Variants in RBFOX1 observed in about 807,000 individuals in gnomAD.
RBFOX1 encodes RNA binding fox-1 homolog 1.
A neutral mutation model predicts 57.7 loss-of-function variants in RBFOX1; 8 were observed. The observed-to-expected ratio is 0.14, with a 90% CI of 0.08 to 0.25. The LOEUF is 0.25. Ranked by LOEUF, RBFOX1 falls within the 10% of genes least tolerant of loss-of-function variation. The probability of loss-of-function intolerance (pLI) is 1.00; values close to 1 mark genes in which losing one functional copy is unlikely to be tolerated. For missense variants in RBFOX1, 611 were observed against 548.5 expected, an observed-to-expected ratio of 1.11 and a Z score of -1.14; for synonymous variants, 326 against 222.4, an observed-to-expected ratio of 1.47 and a Z score of -4.15.
chr16:5,535,922 A>G (rs2044675506), intron 2 of RBFOX1, among the ~76,000 whole-genome samples: 1 of 152,156 alleles, frequency 6.6e-6, no homozygotes, highest in African/African-American at 2.4e-5. Flanking sequence ...TAATGCTTCA[A>G]AGAGCCTTTT....
At chr16:5,858,091 C>T (rs2151881146) in intron 3 of RBFOX1, among the ~76,000 whole-genome samples, 1 of 152,160 alleles carries the variant, frequency 6.6e-6, no homozygotes, top group Admixed American at 6.5e-5. Flanking sequence ...TCTGTATTTC[C>T]ACATTGCCAA....
intron 2 of RBFOX1, among the ~76,000 whole-genome samples, chr16:6,357,142 C>T (rs1289929657): frequency 3.9e-5 from 6 of 152,030 alleles, no homozygotes; most frequent in African/African-American, 1.4e-4. Flanking sequence ...TTTTAGTTTG[C>T]TTCCAATGGC....
intron 3 of RBFOX1, among the ~76,000 whole-genome samples, chr16:6,800,310 G>A (rs1414505189): frequency 6.6e-6 from 1 of 152,174 alleles, no homozygotes; most frequent in Non-Finnish European, 1.5e-5. Context: ...GGGCCAACCA[G>A]ACGGGCTGGT....
chr16:7,057,395 G>T (rs1396235472), intron 4 of RBFOX1, among the ~76,000 whole-genome samples: 1 of 152,158 alleles, frequency 6.6e-6, no homozygotes, highest in Non-Finnish European at 1.5e-5. Context: ...CTCATCTCCT[G>T]TCTTTGTTTC....
At chr16:5,982,902 G>A (rs1464638711) in intron 4 of RBFOX1, among the ~76,000 whole-genome samples, 1 of 152,220 alleles carries the variant, frequency 6.6e-6, no homozygotes, top group African/African-American at 2.4e-5. Context: ...ATGCTTTAAT[G>A]AATCATGAGT....
chr16:7,467,529 G>A (rs2060750681), intron 4 of RBFOX1, among the ~76,000 whole-genome samples: 2 of 152,138 alleles, frequency 1.3e-5, no homozygotes, highest in South Asian at 4.1e-4. Flanking sequence ...GTGAGAACAT[G>A]GATTTTGGAA....
intron 3 of RBFOX1, among the ~76,000 whole-genome samples, chr16:6,711,104 A>G (rs1359738163): frequency 6.6e-6 from 1 of 152,160 alleles, no homozygotes; most frequent in African/African-American, 2.4e-5. Flanking sequence ...TGTTTCTCAA[A>G]TATCATGCGT....
intron 2 of RBFOX1, among the ~76,000 whole-genome samples, chr16:5,532,536 T>C (rs1242076102): frequency 6.6e-6 from 1 of 152,224 alleles, no homozygotes; most frequent in African/African-American, 2.4e-5. Flanking sequence ...TAGTGTCATA[T>C]CATTTAGGTT....
intron 3 of RBFOX1, among the ~76,000 whole-genome samples, chr16:5,859,876 C>A (rs773986710): frequency 6.6e-6 from 1 of 152,198 alleles, no homozygotes; most frequent in East Asian, 1.9e-4. Context: ...GCAGCGCCTG[C>A]TGGGCATGAG....
At chr16:6,926,367 A>G (rs1247647010) in intron 3 of RBFOX1, among the ~76,000 whole-genome samples, 1 of 152,192 alleles carries the variant, frequency 6.6e-6, no homozygotes, top group South Asian at 2.1e-4. Flanking sequence ...GAGTTGTGCA[A>G]CAGGAGACCC....
intron 5 of RBFOX1, among the ~76,000 whole-genome samples, chr16:7,536,657 G>C (rs1313207002): frequency 6.6e-6 from 1 of 152,202 alleles, no homozygotes; most frequent in Non-Finnish European, 1.5e-5. Context: ...TGGATGTCCT[G>C]GGTAGGACAG....
intron 2 of RBFOX1, among the ~76,000 whole-genome samples, chr16:5,573,712 A>T (rs1414502455): frequency 6.6e-6 from 1 of 152,162 alleles, no homozygotes; most frequent in African/African-American, 2.4e-5. Flanking sequence ...CTATAACTGC[A>T]ACACTTTGGG....
chr16:6,843,364 A>C (rs993395858), intron 3 of RBFOX1, among the ~76,000 whole-genome samples: 4 of 152,036 alleles, frequency 2.6e-5, no homozygotes, highest in Non-Finnish European at 4.4e-5. Context: ...AAAATTCCTT[A>C]CTTTTTGTAT....
At chr16:6,978,847 C>T (rs1417567651) in intron 3 of RBFOX1, among the ~76,000 whole-genome samples, 4 of 152,256 alleles carry the variant, frequency 2.6e-5, no homozygotes, top group South Asian at 2.1e-4. Flanking sequence ...ATCCCCTTCG[C>T]GCAGAGCTGC....
At chr16:6,931,032 A>G (rs1450124182) in intron 3 of RBFOX1, among the ~76,000 whole-genome samples, 1 of 152,020 alleles carries the variant, frequency 6.6e-6, no homozygotes, top group Non-Finnish European at 1.5e-5. Context: ...GGATGTAGAA[A>G]TCAGGTTTTG....
At chr16:7,239,894 A>G (rs1459675964) in intron 4 of RBFOX1, among the ~76,000 whole-genome samples, 2 of 152,228 alleles carry the variant, frequency 1.3e-5, no homozygotes, top group Non-Finnish European at 2.9e-5. Context: ...GCTAAAAGGA[A>G]CATTTCTCAT....
intron 4 of RBFOX1, among the ~76,000 whole-genome samples, chr16:7,415,152 T>C (rs1016768861): frequency 1.3e-5 from 2 of 152,226 alleles, no homozygotes; most frequent in Non-Finnish European, 2.9e-5. Context: ...TTTTCTGTAT[T>C]TATTATATTG....
chr16:6,602,300 A>G (rs147684995), intron 2 of RBFOX1, among the ~76,000 whole-genome samples: 1 of 151,746 alleles, frequency 6.6e-6, no homozygotes, highest in East Asian at 1.9e-4. Flanking sequence ...AGTGTCTTTG[A>G]TTTGCTAAAG....
intron 1 of RBFOX1, among the ~76,000 whole-genome samples, chr16:6,064,062 A>G (rs1402778986): frequency 2.0e-5 from 3 of 152,146 alleles, no homozygotes; most frequent in Admixed American, 6.6e-5. Flanking sequence ...TATTGTACAT[A>G]TTGTATGCGA....
Sources: gnomAD v4.1 joint callset for allele counts (sites outside exome capture counted in the v4.1 genomes callset) on GRCh38, gnomAD v4.1.1 for gene constraint, MANE v1.5 for transcripts, NCBI Gene and HGNC (gene_info 2026-07-23, HGNC 2026-07-21) for gene names.